Variants in BABAM2 observed in about 807,000 individuals in gnomAD.
BABAM2 encodes BRISC and BRCA1 A complex member 2, also known as BRISC and BRCA1-A complex member 2.
A neutral mutation model predicts 54.7 loss-of-function variants in BABAM2; 31 were observed. That is an observed-to-expected ratio of 0.57 (90% confidence interval 0.43 to 0.77). The LOEUF is 0.77. Among genes scored for constraint, BABAM2 ranks in the 30% least tolerant of loss-of-function variants. BABAM2 has a pLI of 0.00. For synonymous variants in BABAM2, 167 were observed against 162.9 expected (o/e 1.03, Z -0.19); for missense variants, 364 against 455.8 (o/e 0.80, Z 1.83).
chr2:28,151,617 C>G (rs1360162742), intron 7 of BABAM2, among the ~76,000 whole-genome samples: 1 of 152,120 alleles, frequency 6.6e-6, no homozygotes, highest in Non-Finnish European at 1.5e-5. Flanking sequence ...CATCCCTTCC[C>G]TCTCTACAGT....
At chr2:27,955,524 A>G (rs1409637588) in intron 3 of BABAM2, among the ~76,000 whole-genome samples, 1 of 152,242 alleles carries the variant, frequency 6.6e-6, no homozygotes, top group African/African-American at 2.4e-5. Flanking sequence ...GTGATCTTTT[A>G]TATCATTTGT....
At chr2:28,216,020 T>G (rs1679888418) in intron 7 of BABAM2, among the ~76,000 whole-genome samples, 1 of 152,194 alleles carries the variant, frequency 6.6e-6, no homozygotes. Flanking sequence ...ATCAATGACA[T>G]TAACCTCTAA....
At position 28,245,194 on chromosome 2, in the gene BABAM2, C is replaced by A. The variant is rs1276574231; in HGVS notation, c.934+332C>A. Among the ~76,000 whole-genome samples the A allele has an allele frequency of 2.0e-5, 3 of 152,044 alleles. No homozygotes were observed. In the East Asian group the frequency reaches 5.8e-4, roughly 29 times the overall value. Reference sequence around the variant, plus strand: ...CTACAATGCACATGACAGCCCCTCACACACACACACAAAAAATTATTGAAT... The same window carrying A: ...CTACAATGCACATGACAGCCCCTCAAACACACACACAAAAAATTATTGAAT... On this transcript the variant is annotated intron_variant, in intron 10 of 11. Coordinates refer to ENST00000379624, the MANE Select transcript of BABAM2 (RefSeq NM_199191.3).
chr2:28,140,517 G>C (rs1008359208), intron 7 of BABAM2, among the ~76,000 whole-genome samples: 2 of 152,012 alleles, frequency 1.3e-5, no homozygotes, highest in South Asian at 2.1e-4. Context: ...ATATCACAAA[G>C]AGTAAATTTT....
chr2:28,071,141 G>C (rs866133712), intron 6 of BABAM2, among the ~76,000 whole-genome samples: 10 of 152,098 alleles, frequency 6.6e-5, no homozygotes, highest in African/African-American at 2.4e-4. Flanking sequence ...CCACCATTCT[G>C]ACTGTTAGGA....
intron 11 of BABAM2, among the ~76,000 whole-genome samples, chr2:28,299,536 A>C (rs1558511413): frequency 6.6e-6 from 1 of 152,188 alleles, no homozygotes; most frequent in Admixed American, 6.5e-5. Context: ...AAAGTATCAC[A>C]CAAATATAGA....
intron 7 of BABAM2, among the ~76,000 whole-genome samples, chr2:28,214,475 C>G (rs1679756940): frequency 6.6e-6 from 1 of 152,080 alleles, no homozygotes; most frequent in Non-Finnish European, 1.5e-5. Flanking sequence ...GAGAATAGTT[C>G]TGTGAGTGTT....
intron 11 of BABAM2, among the ~76,000 whole-genome samples, 170 bp from the exon 12 acceptor site, chr2:28,338,280 C>G (rs1447032652): frequency 1.3e-5 from 2 of 152,234 alleles, no homozygotes; most frequent in Admixed American, 6.5e-5. Context: ...GCATGCATCT[C>G]CTCGGAAAAA....
intron 6 of BABAM2, among the ~76,000 whole-genome samples, chr2:28,127,899 C>T (rs550327922): frequency 2.6e-5 from 4 of 151,902 alleles, no homozygotes; most frequent in Admixed American, 1.3e-4. Context: ...CTCCGCCTCC[C>T]GGGTTCATGC....
chr2:28,054,080 C>A (rs923664777), intron 6 of BABAM2, among the ~76,000 whole-genome samples: 1 of 151,906 alleles, frequency 6.6e-6, no homozygotes, highest in Non-Finnish European at 1.5e-5. Context: ...TTTTTTAAAT[C>A]CAGCCCAGGC....
At chr2:27,920,853 A>G (rs1667294805) in intron 2 of BABAM2, among the ~76,000 whole-genome samples, 1 of 152,178 alleles carries the variant, frequency 6.6e-6, no homozygotes, top group South Asian at 2.1e-4. Flanking sequence ...GTATCAAAAA[A>G]CAGGGTTAGC....
chr2:28,210,672 G>A (rs535039136), intron 7 of BABAM2, among the ~76,000 whole-genome samples: 7 of 152,166 alleles, frequency 4.6e-5, no homozygotes, highest in African/African-American at 1.2e-4. Context: ...AAGGAAAAGC[G>A]AGGGCAAACA....
upstream of BABAM2, among the ~76,000 whole-genome samples, chr2:27,888,789 TAA>T (rs11298702): frequency 6.6e-6 from 1 of 151,596 alleles, no homozygotes; most frequent in Non-Finnish European, 1.5e-5. Context: ...AAAATGTTGT[TAA>T]AAAAAAATGT....
chr2:27,930,843 A>G (rs1036048371), intron 3 of BABAM2, among the ~76,000 whole-genome samples: 1 of 152,148 alleles, frequency 6.6e-6, no homozygotes, highest in African/African-American at 2.4e-5. Flanking sequence ...AGTGTTGGTA[A>G]TCTCACCAGG....
At chr2:28,072,552 A>AT (rs1664254250) in intron 6 of BABAM2, among the ~76,000 whole-genome samples, 1 of 151,884 alleles carries the variant, frequency 6.6e-6, no homozygotes. Context: ...CGCCTGGCTA[A>AT]TTTTTTGTAT....
intron 7 of BABAM2, among the ~76,000 whole-genome samples, chr2:28,147,482 T>TC (rs935002098): frequency 6.6e-6 from 1 of 152,018 alleles, no homozygotes; most frequent in Non-Finnish European, 1.5e-5. Flanking sequence ...AAAATCTTTT[T>TC]TTTTTTTTGG....
chr2:27,894,800 T>C, intron 2 of BABAM2, 116 bp downstream of exon 2: 1 of 1,171,234 alleles, frequency 8.5e-7, no homozygotes, highest in African/African-American at 1.5e-5. Flanking sequence ...CACCAAGTCA[T>C]CATCTCATCA....
At chr2:28,245,335 G>A (rs1328763201) in intron 10 of BABAM2, among the ~76,000 whole-genome samples, 1 of 152,170 alleles carries the variant, frequency 6.6e-6, no homozygotes, top group Non-Finnish European at 1.5e-5. Flanking sequence ...CATACCTGCT[G>A]TGATCATTTG....
chr2:28,195,334 A>C (rs1455541906), intron 7 of BABAM2, among the ~76,000 whole-genome samples: 1 of 152,172 alleles, frequency 6.6e-6, no homozygotes, highest in African/African-American at 2.4e-5. Flanking sequence ...ATCTCTTACT[A>C]TACTTTTCAA....
Sources: gnomAD v4.1 joint callset for allele counts (sites outside exome capture counted in the v4.1 genomes callset) on GRCh38, gnomAD v4.1.1 for gene constraint, MANE v1.5 for transcripts, NCBI Gene and HGNC (gene_info 2026-07-23, HGNC 2026-07-21) for gene names.